The following NBPF15 variants were observed in gnomAD, a reference collection of about 807,000 sequenced individuals.
NBPF15 encodes the protein NBPF member 15.
In NBPF15, 74 loss-of-function variants were observed where a neutral mutation model predicts 62.2. The observed-to-expected ratio is 1.19, with a 90% CI of 0.99 to 1.44. The LOEUF is 1.44. Ranked by LOEUF, NBPF15 falls within the 40% of genes most tolerant of loss-of-function variation. The probability of loss-of-function intolerance (pLI) is 0.00; values close to 1 mark genes in which losing one functional copy is unlikely to be tolerated. For synonymous variants in NBPF15, 244 were observed against 209.7 expected (o/e 1.16, Z -1.41); for missense variants, 790 against 550.0 (o/e 1.44, Z -4.36).
At chr1:144,423,425 C>T (rs1313157946) in intron 21 of NBPF15, among the ~76,000 whole-genome samples, 169 bp from the exon 22 acceptor site, 15 of 151,194 alleles carry the variant, frequency 9.9e-5, no homozygotes, top group African/African-American at 3.2e-4. Flanking sequence ...TAGAACAGGG[C>T]CAGGTAGAAA....
At chr1:144,434,026 C>G in intron 12 of NBPF15, among the ~76,000 whole-genome samples, 1 of 145,086 alleles carries the variant, frequency 6.9e-6, no homozygotes, top group Admixed American at 6.7e-5. Flanking sequence ...GCCAAAATCT[C>G]CCTCTACGTG....
rs1558611688 is a variant in NBPF15 at position 144,442,196 on chromosome 1, T to TTAATA, written c.-190-1902_-190-1901insTATTA. Among the ~76,000 whole-genome samples, 125 of 105,790 alleles carry TTAATA rather than the reference T, an allele frequency of 1.2e-3. 3 individuals carry two copies. The highest frequency in any genetic ancestry group is 5.3e-3 in the African/African-American group (117 of 22,272). The allele number at this position is 105,790 out of a possible 152,430, so 69.4% of individuals were successfully genotyped here. A position where few individuals can be genotyped will look rare whatever the true frequency, so the allele number is the denominator to read the frequency against. On this transcript the variant is annotated intron_variant, in intron 6 of 21. Coordinates refer to ENST00000581897, the MANE Select transcript of NBPF15 (RefSeq NM_001385408.1). ...TATATATATAATATATATACACGTG[T>TTAATA]ATATATATTATTAATATATATAATA...
chr1:144,437,008 A>T lies in NBPF15; in HGVS notation c.380T>A (p.Leu127His), dbSNP rs1366109707. ...CTCATCCGGAGTGAGGAGGGCCTGGAGATGCTCATTCAATGAGCGGGAGGC... is the reference window on the plus strand; with the variant it reads ...CTCATCCGGAGTGAGGAGGGCCTGGTGATGCTCATTCAATGAGCGGGAGGC... Reference protein sequence around the residue: ...RDASRSLNEHLQALLTPDEPD... With the variant: ...RDASRSLNEHHQALLTPDEPD... Residue 127 changes from leucine to histidine, a missense_variant, in exon 10 of 22, where the codon CTC (leucine) becomes CAC (histidine). Coordinates refer to ENST00000581897, the MANE Select transcript of NBPF15 (RefSeq NM_001385408.1). The T allele has an allele frequency of 2.7e-6, 4 of 1,502,898 alleles. No individual in the cohort carries two copies. The highest frequency in any genetic ancestry group is 3.7e-6 in the Non-Finnish European group (4 of 1,081,148). 93.1% of individuals were successfully genotyped at this position (1,502,898 alleles called of 1,614,324 possible). A position where few individuals can be genotyped will look rare whatever the true frequency, so the allele number is the denominator to read the frequency against.
intron 6 of NBPF15, among the ~76,000 whole-genome samples, chr1:144,446,644 GA>G (rs1297775731): frequency 6.6e-6 from 1 of 152,012 alleles, no homozygotes; most frequent in African/African-American, 2.4e-5. Context: ...TATAAATCAT[GA>G]AAAAAGTTTT....
In NBPF15 at chr1:144,427,920, T is replaced by C. The variant is rs1298278280; in HGVS notation, c.1111A>G (p.Thr371Ala). The C allele has an allele frequency of 8.2e-6, 6 of 730,058 alleles. No individual in the cohort carries two copies. The highest frequency in any genetic ancestry group is 1.0e-5 in the Non-Finnish European group (4 of 397,144). 45.2% of individuals were successfully genotyped at this position (730,058 alleles called of 1,614,324 possible). A position where few individuals can be genotyped will look rare whatever the true frequency, so the allele number is the denominator to read the frequency against. ...GTCAGTTCAAGACAACCTGAAGGAG[T>C]TGAATAACATCTATCCAGTGAGTCC... ...LQDSLDRCYS[T>A]PSGCLELTDS... is the part of the protein sequence containing the mutation. Residue 371 changes from threonine to alanine, a missense_variant, in exon 16 of 22, where the codon ACT (threonine) becomes GCT (alanine). By Grantham distance (58) the Thr-to-Ala change is moderately conservative (BLOSUM62 0). Transcript: ENST00000581897.
chr1:144,456,079 C>T (rs1218712990), intron 4 of NBPF15, among the ~76,000 whole-genome samples: 1 of 151,842 alleles, frequency 6.6e-6, no homozygotes, highest in Non-Finnish European at 1.5e-5. Context: ...CTGCCTAAAA[C>T]CACACACATC....
chr1:144,443,371 G>A (rs1449224595), intron 6 of NBPF15, among the ~76,000 whole-genome samples: 2 of 151,790 alleles, frequency 1.3e-5, no homozygotes, highest in Non-Finnish European at 2.9e-5. Context: ...TTAAAATCAG[G>A]TTTGAAATCT....
intron 6 of NBPF15, among the ~76,000 whole-genome samples, chr1:144,447,150 C>G (rs1477385877): frequency 6.6e-6 from 1 of 152,300 alleles, no homozygotes; most frequent in Non-Finnish European, 1.5e-5. Context: ...GTTGTTCTGA[C>G]AGCAGGGAGG....
At chr1:144,458,710 A>G (rs1282194203) in intron 3 of NBPF15, among the ~76,000 whole-genome samples, 1 of 151,964 alleles carries the variant, frequency 6.6e-6, no homozygotes, top group Non-Finnish European at 1.5e-5. Context: ...TTTTCAATAA[A>G]TGGTGCTGGA....
Position 144,424,652 on chromosome 1 carries a change from T to A in NBPF15, c.1663+38A>T, listed in dbSNP as rs1408520679. ...GGAATATGATCTTTATATGGAAGAC[T>A]CAGTGGATCCTTATCACCTTCATAG... On this transcript the variant is annotated intron_variant, in intron 20 of 21. Transcript: ENST00000581897. 4.7e-6 allele frequency: 3 copies of A among 636,732 alleles called. No individual in the cohort carries two copies. In the African/African-American group the frequency reaches 5.6e-5, roughly 12 times the overall value. The allele number at this position is 636,732 out of a possible 1,614,324, so 39.4% of individuals were successfully genotyped here. A position where few individuals can be genotyped will look rare whatever the true frequency, so the allele number is the denominator to read the frequency against.
rs1222018393 is a variant in NBPF15 at position 144,440,202 on chromosome 1, T to C, written c.-97A>G. On this transcript the variant is annotated 5_prime_UTR_variant, in exon 7 of 22. Coordinates refer to ENST00000581897, the MANE Select transcript of NBPF15 (RefSeq NM_001385408.1). The stretch of plus-strand genomic sequence containing the variant: ...AGGATCCTTCACCACAAAAACAAGG[T>C]TCGAGGTGCCTCAACTCAGAGCTGA... 1.3e-6 allele frequency: 2 copies of C among 1,529,836 alleles called. No individual in the cohort carries two copies. Among genetic ancestry groups the C allele is most frequent in the Non-Finnish European group, 1.8e-6 (2 of 1,135,664 alleles). 94.8% of individuals were successfully genotyped at this position (1,529,836 alleles called of 1,614,324 possible).
intron 8 of NBPF15, among the ~76,000 whole-genome samples, chr1:144,439,579 C>T (rs1381833957): frequency 0.016 from 2,418 of 152,178 alleles, 59 homozygotes; most frequent in Middle Eastern, 0.034. Flanking sequence ...TCATTCTGTG[C>T]CTGTGTCAGA....
rs1451075709 is a variant in NBPF15 at position 144,422,963 on chromosome 1, C to T, written c.*50G>A. 9.3e-6 allele frequency: 15 copies of T among 1,611,456 alleles called. No homozygotes were observed. The highest frequency in any genetic ancestry group is 1.3e-5 in the Non-Finnish European group (15 of 1,179,612). Reference sequence around the variant, plus strand: ...TACTTTCATTCAAATCTTCTCGTGCCTATAGGTCCTGCCTGCAGGAATGAC... The same window carrying T: ...TACTTTCATTCAAATCTTCTCGTGCTTATAGGTCCTGCCTGCAGGAATGAC... On this transcript the variant is annotated 3_prime_UTR_variant, in exon 22 of 22. Coordinates refer to ENST00000581897, the MANE Select transcript of NBPF15 (RefSeq NM_001385408.1).
At chr1:144,452,599 C>T (rs1197421357) in intron 4 of NBPF15, among the ~76,000 whole-genome samples, 5 of 150,868 alleles carry the variant, frequency 3.3e-5, no homozygotes, top group South Asian at 2.1e-4. Context: ...CTGCACAATT[C>T]GATAAATCAA....
At chr1:144,438,316 A>G in intron 8 of NBPF15, among the ~76,000 whole-genome samples, 1 of 151,168 alleles carries the variant, frequency 6.6e-6, no homozygotes, top group South Asian at 2.1e-4. Context: ...GTCAGAATTC[A>G]CAGTCCCTGA....
intron 5 of NBPF15, among the ~76,000 whole-genome samples, chr1:144,449,575 G>A (rs587764977): frequency 1.9e-4 from 29 of 152,066 alleles, no homozygotes; most frequent in South Asian, 4.2e-4. Flanking sequence ...GGAGCCATAC[G>A]CAAAAGAGTG....
intron 3 of NBPF15, among the ~76,000 whole-genome samples, chr1:144,457,129 T>C (rs1315888716): frequency 6.6e-6 from 1 of 151,930 alleles, no homozygotes; most frequent in Non-Finnish European, 1.5e-5. Flanking sequence ...TGAGCTATGA[T>C]GGCACCACTG....
At chr1:144,424,524 C>A (rs1177894586) in intron 20 of NBPF15, among the ~76,000 whole-genome samples, 166 bp downstream of exon 20, 1 of 151,972 alleles carries the variant, frequency 6.6e-6, no homozygotes, top group Non-Finnish European at 1.5e-5. Flanking sequence ...CATCCCTTGT[C>A]TGGGCTTCCA....
chr1:144,438,522 A>G (rs1228874011), intron 8 of NBPF15, among the ~76,000 whole-genome samples: 3,839 of 152,116 alleles, frequency 0.025, 173 homozygotes, highest in African/African-American at 0.088. Flanking sequence ...TTTTTAAATC[A>G]TATCTTCAGT....
Sources: allele counts gnomAD v4.1 joint callset (sites outside exome capture counted in the v4.1 genomes callset), GRCh38; gene constraint gnomAD v4.1.1; transcripts MANE v1.5; gene names NCBI Gene and HGNC (gene_info 2026-07-23, HGNC 2026-07-21).